CACNA2D3: variants seen among roughly 807,000 people sequenced by gnomAD.
The protein encoded by CACNA2D3 is voltage-dependent calcium channel subunit alpha-2/delta-3.
In CACNA2D3, 60 loss-of-function variants were observed where a neutral mutation model predicts 160.6. The observed-to-expected ratio is 0.37, with a 90% CI of 0.30 to 0.46. CACNA2D3 has a LOEUF of 0.46. Among genes scored for constraint, CACNA2D3 ranks in the 20% least tolerant of loss-of-function variants. The pLI, the probability that CACNA2D3 is intolerant of heterozygous loss-of-function variation, is 1.00. For synonymous variants in CACNA2D3, 558 were observed against 492.9 expected (o/e 1.13, Z -1.75); for missense variants, 1,205 against 1,365.0 (o/e 0.88, Z 1.85).
At chr3:54,419,386 C>T (rs1220539653) in intron 4 of CACNA2D3, among the ~76,000 whole-genome samples, 2 of 152,212 alleles carry the variant, frequency 1.3e-5, no homozygotes, top group Admixed American at 1.3e-4. Context: ...GGCCAGCTGA[C>T]TGCTCAGTTT....
chr3:54,996,191 G>A (rs1291781238), intron 31 of CACNA2D3, among the ~76,000 whole-genome samples: 4 of 152,228 alleles, frequency 2.6e-5, no homozygotes, highest in Non-Finnish European at 4.4e-5. Flanking sequence ...CTGGCTTCAC[G>A]AATGTGGCAG....
rs372086680 is a variant in CACNA2D3, at chr3:54,924,732, G to A, written c.2449+24864G>A. 13 of 1,613,982 alleles carry A rather than the reference G, an allele frequency of 8.1e-6. No homozygotes were observed. Among genetic ancestry groups the A allele is most frequent in the South Asian group, 5.5e-5 (5 of 91,088 alleles). Reference sequence around the variant, plus strand: ...CACACTGGGCATGGATTCCAGGAGCGCTCGATCAAGCTGCTGAAGCTGGTT... The same window carrying A: ...CACACTGGGCATGGATTCCAGGAGCACTCGATCAAGCTGCTGAAGCTGGTT... On this transcript the variant is annotated intron_variant, in intron 27 of 37. Transcript: ENST00000474759.
intron 2 of CACNA2D3, among the ~76,000 whole-genome samples, chr3:54,280,471 G>A (rs145306082): frequency 5.3e-5 from 8 of 152,120 alleles, no homozygotes; most frequent in Admixed American, 3.3e-4. Context: ...ACCCAAAGAA[G>A]TTCCTGTATT....
intron 27 of CACNA2D3, among the ~76,000 whole-genome samples, chr3:54,911,348 CGT>C (rs1700551269): frequency 3.4e-5 from 1 of 29,336 alleles, no homozygotes; most frequent in African/African-American, 2.2e-4. Context: ...CCTTCTTTGT[CGT>C]CTTTTTTTTT....
At chr3:54,606,681 C>T (rs972995100) in intron 9 of CACNA2D3, among the ~76,000 whole-genome samples, 1 of 152,134 alleles carries the variant, frequency 6.6e-6, no homozygotes, top group Admixed American at 6.5e-5. Flanking sequence ...TCGCTCCATT[C>T]CAGCCTGCAT....
rs78612238 is a variant in CACNA2D3, at chr3:54,250,466, C to A, written c.205-69976C>A. Among the ~76,000 whole-genome samples the A allele has an allele frequency of 1.8e-4, 27 of 152,232 alleles. No homozygotes were observed. The East Asian group carries it at 5.2e-3, about 29-fold the overall frequency. On this transcript the variant is annotated intron_variant, in intron 2 of 37. Transcript: ENST00000474759. ...ACTTTTTTTAAGGAGCAAGGTCTTG[C>A]TTTGTCACCTAGACTGGAGTGCGGT...
chr3:54,692,476 C>T lies in CACNA2D3; in HGVS notation c.1167+50235C>T, dbSNP rs138298588. Among the ~76,000 whole-genome samples, 394 of 152,340 alleles carry T rather than the reference C, an allele frequency of 2.6e-3. 1 individual carries two copies. The highest frequency in any genetic ancestry group is 9.0e-3 in the African/African-American group (373 of 41,586). On this transcript the variant is annotated intron_variant, in intron 11 of 37. Transcript: ENST00000474759. ...GGACCATGAACTTGTATGCCAGACT[C>T]AGGGCCTGGGTGCCCAGCTCTGGGC...
chr3:54,457,139 G>A (rs1305552962), intron 4 of CACNA2D3, among the ~76,000 whole-genome samples: 1 of 151,640 alleles, frequency 6.6e-6, no homozygotes, highest in African/African-American at 2.4e-5. Context: ...CTAGTTCATT[G>A]AGGTGTATAA....
At chr3:54,642,814 T>C (rs1323973636) in intron 11 of CACNA2D3, among the ~76,000 whole-genome samples, 1 of 152,218 alleles carries the variant, frequency 6.6e-6, no homozygotes, top group Non-Finnish European at 1.5e-5. Context: ...ATACTAATAT[T>C]TTTGGTGTAT....
chr3:54,627,999 G>A (rs1036082266), intron 10 of CACNA2D3, 123 bp downstream of exon 10: 46 of 681,134 alleles, frequency 6.8e-5, no homozygotes, highest in African/African-American at 8.9e-5. Flanking sequence ...TTGGGAGGCC[G>A]AGATGGGCGG....
At chr3:54,310,302 C>T (rs955920208) in intron 2 of CACNA2D3, among the ~76,000 whole-genome samples, 3 of 152,112 alleles carry the variant, frequency 2.0e-5, no homozygotes, top group East Asian at 1.9e-4. Context: ...TACTTGAAAA[C>T]GTAATTGCTT....
chr3:54,275,928 G>A (rs890239877), intron 2 of CACNA2D3, among the ~76,000 whole-genome samples: 7 of 152,106 alleles, frequency 4.6e-5, no homozygotes, highest in African/African-American at 1.2e-4. Context: ...GCACCTGGCC[G>A]GAAAGTATCT....
At chr3:54,416,711 A>C (rs1190520433) in intron 4 of CACNA2D3, among the ~76,000 whole-genome samples, 1 of 152,216 alleles carries the variant, frequency 6.6e-6, no homozygotes, top group Non-Finnish European at 1.5e-5. Context: ...TACTTATAAT[A>C]AATTCATCAG....
intron 3 of CACNA2D3, among the ~76,000 whole-genome samples, chr3:54,361,899 C>G (rs1017800531): frequency 6.6e-6 from 1 of 152,144 alleles, no homozygotes; most frequent in Non-Finnish European, 1.5e-5. Context: ...TATGCATGTG[C>G]GTGTGTGTCT....
At chr3:54,320,408 C>T in intron 2 of CACNA2D3, 34 bp from the exon 3 acceptor site, 1 of 1,083,354 alleles carries the variant, frequency 9.2e-7, no homozygotes. Context: ...TTTACGGTGT[C>T]ATGTGTCTTG....
chr3:54,809,307 C>CTTTTTTTTTTTTTTTTTTTTTT (rs1417063441), intron 13 of CACNA2D3, among the ~76,000 whole-genome samples: 1 of 86,252 alleles, frequency 1.2e-5, no homozygotes, highest in Non-Finnish European at 2.0e-5. Flanking sequence ...TTCCTTCCTT[C>CTTTTTTTTTTTTTTTTTTTTTT]TTTCTTTTTT....
rs75796610 is a variant in CACNA2D3, at chr3:54,733,111, C to T, written c.1168-19488C>T. Among the ~76,000 whole-genome samples, 1,458 of 152,298 alleles carry T rather than the reference C, an allele frequency of 9.6e-3. 14 individuals carry two copies. The highest frequency in any genetic ancestry group is 0.018 in the Admixed American group (278 of 15,296). ...TTTCTGCCTAGGTGGGACACTTGCA[C>T]TTTGAGGGCCTTGGACGAATAGATG... is the stretch of plus-strand genomic sequence containing the variant. On this transcript the variant is annotated intron_variant, in intron 11 of 37. Coordinates refer to ENST00000474759, the MANE Select transcript of CACNA2D3 (RefSeq NM_018398.3).
intron 13 of CACNA2D3, among the ~76,000 whole-genome samples, chr3:54,788,169 C>T (rs945546540): frequency 6.6e-6 from 1 of 152,186 alleles, no homozygotes; most frequent in African/African-American, 2.4e-5. Context: ...TGAGTAATCT[C>T]ATCTGTCAGT....
chr3:55,031,367 C>T (rs994796682), intron 35 of CACNA2D3, among the ~76,000 whole-genome samples: 5 of 152,132 alleles, frequency 3.3e-5, no homozygotes, highest in African/African-American at 1.2e-4. Context: ...TCCATTTGTT[C>T]AGCTTGGAAA....
Sources: gnomAD v4.1 joint callset for allele counts (sites outside exome capture counted in the v4.1 genomes callset) on GRCh38, gnomAD v4.1.1 for gene constraint, MANE v1.5 for transcripts, NCBI Gene and HGNC (gene_info 2026-07-23, HGNC 2026-07-21) for gene names.